The following PID1 variants were observed in gnomAD, a reference collection of about 807,000 sequenced individuals.
PID1 encodes phosphotyrosine interaction domain containing 1.
PID1 carries 10 observed loss-of-function variants against 19.1 expected under a neutral mutation model. That is an observed-to-expected ratio of 0.52 (90% CI 0.32 to 0.89). The LOEUF is 0.89. PID1 is among the 40% of genes least tolerant of loss of function. The pLI is 0.03. For missense variants in PID1, 248 were observed against 285.3 expected, an observed-to-expected ratio of 0.87 and a Z score of 0.94; for synonymous variants, 130 against 116.0, an observed-to-expected ratio of 1.12 and a Z score of -0.78.
chr2:229,025,833 G>A lies in PID1; in HGVS notation c.453C>T (p.Tyr151=). The A allele has an allele frequency of 1.9e-6, 3 of 1,614,220 alleles. No individual in the cohort carries two copies. The highest frequency in any genetic ancestry group is 4.5e-5 in the East Asian group (2 of 44,864). Residue 151 remains tyrosine, a synonymous_variant, in exon 3 of 3, where the codon TAC becomes TAT. Coordinates refer to ENST00000392055, the MANE Select transcript of PID1 (RefSeq NM_001100818.2). The part of the protein sequence containing the change: ...NVSPNIFAWV[Y]REINDDLSYQ... The stretch of plus-strand genomic sequence containing the variant: ...AGGACAGGTCATCATTGATCTCCCT[G>A]TAGACCCAGGCGAAGATGTTGGGGC...
At chr2:229,044,549 C>T (rs1206876551) in intron 2 of PID1, among the ~76,000 whole-genome samples, 2 of 152,192 alleles carry the variant, frequency 1.3e-5, no homozygotes, top group East Asian at 3.9e-4. Flanking sequence ...AAACTCTACA[C>T]TAGTGATTTG....
intron 2 of PID1, among the ~76,000 whole-genome samples, chr2:229,040,286 C>A (rs1485042671): frequency 6.6e-6 from 1 of 151,748 alleles, no homozygotes; most frequent in Non-Finnish European, 1.5e-5. Flanking sequence ...CGGCACTGCA[C>A]CCCAGCCTGG....
chr2:229,046,236 A>T (rs1693874604), intron 2 of PID1, among the ~76,000 whole-genome samples: 1 of 152,150 alleles, frequency 6.6e-6, no homozygotes, highest in Non-Finnish European at 1.5e-5. Flanking sequence ...TTAGTCCTAT[A>T]AATAATACGC....
intron 2 of PID1, among the ~76,000 whole-genome samples, chr2:229,096,027 T>C (rs1165591901): frequency 6.6e-6 from 1 of 152,130 alleles, no homozygotes; most frequent in African/African-American, 2.4e-5. Context: ...GCATGTCAAA[T>C]GATGTTGGAG....
chr2:229,081,051 T>A (rs1694659183), intron 2 of PID1, among the ~76,000 whole-genome samples: 1 of 152,202 alleles, frequency 6.6e-6, no homozygotes, highest in Non-Finnish European at 1.5e-5. Context: ...ATTTTTTCTC[T>A]AAAAACCTCT....
At chr2:229,237,517 A>G (rs1689740993) in intron 1 of PID1, among the ~76,000 whole-genome samples, 1 of 151,346 alleles carries the variant, frequency 6.6e-6, no homozygotes, top group Non-Finnish European at 1.5e-5. Flanking sequence ...TGTACAACAG[A>G]AAAAAAAAGG....
At chr2:229,151,561 A>C (rs1269706961) in intron 2 of PID1, among the ~76,000 whole-genome samples, 1 of 149,442 alleles carries the variant, frequency 6.7e-6, no homozygotes, top group Non-Finnish European at 1.5e-5. Flanking sequence ...TGTTATTAAG[A>C]CTTCTATTTC....
At position 229,271,113 on chromosome 2, in the gene PID1, G is replaced by A. The variant is rs915098513; in HGVS notation, c.-70C>T. 59 of 1,504,694 alleles carry A rather than the reference G, an allele frequency of 3.9e-5. No homozygotes were observed. The highest frequency in any genetic ancestry group is 5.3e-5 in the Non-Finnish European group (59 of 1,114,134). 93.2% of individuals were successfully genotyped at this position (1,504,694 alleles called of 1,614,324 possible). ...CGATCGCGCCGGGGGGCGAGGGGCT[G>A]GGGTCCCGCTTTACATCTGGGGTCG... is the stretch of plus-strand genomic sequence containing the variant. On this transcript the variant is annotated 5_prime_UTR_variant, in exon 1 of 3. Transcript: ENST00000392055.
At chr2:229,160,554 T>C (rs1237260736) in intron 1 of PID1, among the ~76,000 whole-genome samples, 2 of 152,130 alleles carry the variant, frequency 1.3e-5, no homozygotes, top group African/African-American at 2.4e-5. Flanking sequence ...AGCCAAATAC[T>C]GTGATAGGCA....
chr2:229,127,147 C>T (rs1333229625), intron 2 of PID1, among the ~76,000 whole-genome samples: 3 of 152,156 alleles, frequency 2.0e-5, no homozygotes, highest in Non-Finnish European at 2.9e-5. Context: ...ACCCAAATGC[C>T]AAGGACAAAG....
intron 1 of PID1, among the ~76,000 whole-genome samples, chr2:229,163,646 A>AGTGTGTGT (rs781261716): frequency 7.3e-6 from 1 of 136,810 alleles, no homozygotes; most frequent in African/African-American, 2.6e-5. Context: ...AGGGAGAGAG[A>AGTGTGTGT]GAGAGTGTGT....
chr2:229,044,267 T>C (rs1025066756), intron 2 of PID1, among the ~76,000 whole-genome samples: 8 of 151,968 alleles, frequency 5.3e-5, no homozygotes, highest in Admixed American at 3.9e-4. Context: ...GAGATGCTTG[T>C]GTGAGAAGAT....
At chr2:229,217,496 G>A (rs1691874330) in intron 1 of PID1, among the ~76,000 whole-genome samples, 1 of 152,280 alleles carries the variant, frequency 6.6e-6, no homozygotes, top group South Asian at 2.1e-4. Flanking sequence ...GAGAGATGGA[G>A]GGTGAGAGAG....
chr2:229,095,840 A>C (rs181847259), intron 2 of PID1, among the ~76,000 whole-genome samples: 1 of 152,110 alleles, frequency 6.6e-6, no homozygotes, highest in Non-Finnish European at 1.5e-5. Context: ...GTTAGTGTCC[A>C]CTCTTAAATG....
At chr2:229,065,804 T>C (rs1041062582) in intron 2 of PID1, among the ~76,000 whole-genome samples, 3 of 151,496 alleles carry the variant, frequency 2.0e-5, no homozygotes, top group Non-Finnish European at 4.4e-5. Flanking sequence ...AGCTACCATC[T>C]TGACCACCAC....
chr2:229,194,970 T>G (rs945939047), intron 1 of PID1, among the ~76,000 whole-genome samples: 1 of 151,942 alleles, frequency 6.6e-6, no homozygotes, highest in African/African-American at 2.4e-5. Flanking sequence ...AGCAGTTTAA[T>G]ATATCTTTGC....
At chr2:229,121,710 G>C (rs948551433) in intron 2 of PID1, among the ~76,000 whole-genome samples, 10 of 152,124 alleles carry the variant, frequency 6.6e-5, no homozygotes, top group Non-Finnish European at 1.5e-4. Flanking sequence ...TGTGTATGGA[G>C]GGGGGAGGTA....
At chr2:229,248,233 A>C (rs1690053132) in intron 1 of PID1, among the ~76,000 whole-genome samples, 1 of 152,120 alleles carries the variant, frequency 6.6e-6, no homozygotes, top group East Asian at 1.9e-4. Flanking sequence ...TGTCATGTCT[A>C]CTCAATCTGG....
chr2:229,263,198 C>A (rs910063446), intron 1 of PID1, among the ~76,000 whole-genome samples: 1 of 152,176 alleles, frequency 6.6e-6, no homozygotes, highest in African/African-American at 2.4e-5. Flanking sequence ...AAGGGGGTCA[C>A]ATTTTTCTCA....
Sources: gnomAD v4.1 joint callset for allele counts (sites outside exome capture counted in the v4.1 genomes callset) on GRCh38, gnomAD v4.1.1 for gene constraint, MANE v1.5 for transcripts, NCBI Gene and HGNC (gene_info 2026-07-23, HGNC 2026-07-21) for gene names.